MKRN2: variants seen among roughly 807,000 people sequenced by gnomAD.
MKRN2 encodes the protein E3 ubiquitin-protein ligase makorin-2.
MKRN2 carries 32 observed loss-of-function variants against 45.4 expected under a neutral mutation model. The observed-to-expected ratio is 0.70, with a 90% CI of 0.53 to 0.95. The LOEUF (loss-of-function observed/expected upper bound fraction) is 0.95, where lower values mean the gene tolerates loss of function less well. Among genes scored for constraint, MKRN2 ranks in the 40% least tolerant of loss-of-function variants. The pLI is 0.00. For synonymous variants in MKRN2, 206 were observed against 192.4 expected (o/e 1.07, Z -0.59); for missense variants, 526 against 536.7 (o/e 0.98, Z 0.20).
chr3:12,580,453 C>G (rs971012204), intron 6 of MKRN2, among the ~76,000 whole-genome samples: 2 of 150,072 alleles, frequency 1.3e-5, no homozygotes, highest in Admixed American at 6.7e-5. Context: ...ACCCTACCCC[C>G]CCGCCACCAC....
rs766110891 is a variant in MKRN2, at chr3:12,570,212, C to T, written c.297C>T (p.Pro99=). 6 of 1,613,976 alleles carry T rather than the reference C, an allele frequency of 3.7e-6. No individual in the cohort carries two copies. Among genetic ancestry groups the T allele is most frequent in the Non-Finnish European group, 5.1e-6 (6 of 1,180,012 alleles). Residue 99 remains proline (P), a synonymous_variant, in exon 3 of 8, where the codon CCC becomes CCT. Transcript: ENST00000170447. ...ASIVKTNSHE[P]GKREKRTLVL... is the part of the protein sequence containing the mutation. Reference sequence around the variant, plus strand: ...TTGTGAAAACTAACTCACATGAACCCGGAAAGCGTGAAAAGAGAACATTGG... The same window carrying T: ...TTGTGAAAACTAACTCACATGAACCTGGAAAGCGTGAAAAGAGAACATTGG...
intron 1 of MKRN2, among the ~76,000 whole-genome samples, chr3:12,565,770 G>A (rs12019230): frequency 6.6e-6 from 1 of 152,034 alleles, no homozygotes; most frequent in Non-Finnish European, 1.5e-5. Flanking sequence ...AAACTCCTGA[G>A]CTCAAGCAAT....
chr3:12,567,175 G>T (rs1351389786), intron 1 of MKRN2, among the ~76,000 whole-genome samples: 1 of 149,674 alleles, frequency 6.7e-6, no homozygotes, highest in African/African-American at 2.5e-5. Flanking sequence ...AGTTTGTTTT[G>T]GCTGACAGTA....
rs564572418 is a variant in MKRN2, at chr3:12,583,616, A to G, written c.*1363A>G. On this transcript the variant is annotated 3_prime_UTR_variant, in exon 8 of 8. Coordinates refer to ENST00000170447, the MANE Select transcript of MKRN2 (RefSeq NM_014160.5). Reference sequence around the variant, plus strand: ...CAGCCAGCCATTACACCTAAATTTAATTTATTTTATTAAAATAACATAATT... The same window carrying G: ...CAGCCAGCCATTACACCTAAATTTAGTTTATTTTATTAAAATAACATAATT... 4.3e-6 allele frequency: 1 copy of G among 231,914 alleles called. No homozygotes were observed. Among genetic ancestry groups the G allele is most frequent in the Admixed American group, 5.6e-5 (1 of 17,760 alleles). The allele number at this position is 231,914 out of a possible 1,614,324, so 14.4% of individuals were successfully genotyped here. A position where few individuals can be genotyped will look rare whatever the true frequency, so the allele number is the denominator to read the frequency against.
intron 2 of MKRN2, 122 bp downstream of exon 2, chr3:12,569,125 G>T: frequency 1.6e-6 from 2 of 1,229,668 alleles, no homozygotes; most frequent in East Asian, 2.7e-5. Context: ...TGGCAAATAA[G>T]TTTAAAACCT....
At chr3:12,558,144 G>T (rs2057999187) in intron 1 of MKRN2, among the ~76,000 whole-genome samples, 1 of 152,170 alleles carries the variant, frequency 6.6e-6, no homozygotes, top group South Asian at 2.1e-4. Context: ...TATTTTCTAT[G>T]TTGTTACTTC....
At chr3:12,564,951 ACTT>A (rs972711616) in intron 1 of MKRN2, among the ~76,000 whole-genome samples, 5 of 152,210 alleles carry the variant, frequency 3.3e-5, no homozygotes, top group African/African-American at 1.2e-4. Context: ...GTGTGCCAGT[ACTT>A]CTTTCCTTTT....
At chr3:12,574,072 A>T (rs1380677556) in intron 4 of MKRN2, among the ~76,000 whole-genome samples, 1 of 152,074 alleles carries the variant, frequency 6.6e-6, no homozygotes, top group African/African-American at 2.4e-5. Flanking sequence ...GTATTCCTAG[A>T]TAATCAAGAG....
intron 1 of MKRN2, among the ~76,000 whole-genome samples, chr3:12,567,750 C>T (rs1051328723): frequency 6.6e-6 from 1 of 152,058 alleles, no homozygotes; most frequent in Non-Finnish European, 1.5e-5. Flanking sequence ...CTTGGCCTCC[C>T]AAAGTACTAG....
chr3:12,576,307 G>A (rs2058136368), intron 5 of MKRN2, among the ~76,000 whole-genome samples: 2 of 151,634 alleles, frequency 1.3e-5, no homozygotes, highest in Admixed American at 1.3e-4. Context: ...GTGCCACGGT[G>A]GTTTTCTGCA....
intron 4 of MKRN2, among the ~76,000 whole-genome samples, 193 bp downstream of exon 4, chr3:12,572,566 G>A (rs1321342731): frequency 6.6e-6 from 1 of 151,748 alleles, no homozygotes; most frequent in Non-Finnish European, 1.5e-5. Context: ...CCTGTTTTCA[G>A]GTTCTTTTTC....
intron 1 of MKRN2, among the ~76,000 whole-genome samples, chr3:12,563,981 T>C (rs1172412371): frequency 6.6e-6 from 1 of 151,878 alleles, no homozygotes; most frequent in Non-Finnish European, 1.5e-5. Context: ...AGATTCACTC[T>C]GTTGCCCAGG....
chr3:12,564,666 G>A (rs2058059813), intron 1 of MKRN2, among the ~76,000 whole-genome samples: 1 of 152,136 alleles, frequency 6.6e-6, no homozygotes, highest in Non-Finnish European at 1.5e-5. Context: ...GAAGTGTACA[G>A]TGCAAAACTT....
intron 4 of MKRN2, among the ~76,000 whole-genome samples, chr3:12,572,615 T>A (rs1280529656): frequency 1.3e-5 from 2 of 151,346 alleles, no homozygotes; most frequent in African/African-American, 2.4e-5. Flanking sequence ...TAATGGAGTC[T>A]CCCTCTCACC....
In MKRN2 at chr3:12,572,125, A is replaced by C. The variant is rs777324877; in HGVS notation, c.394A>C (p.Ser132Arg). ...TQPSMVSNPGSCSDPQPSPEM... is the reference protein window; with the variant it reads ...TQPSMVSNPGRCSDPQPSPEM... ...GCCGAGCATGGTGAGTAATCCAGGC[A>C]GCTGCAGCGACCCCCAGCCCAGCCC... Residue 132 changes from serine (S) to arginine (R), a missense_variant, in exon 4 of 8, where the codon AGC (serine) becomes CGC (arginine). By Grantham distance (110) the Ser-to-Arg change is moderately radical. Transcript: ENST00000170447. 2 of 1,614,000 alleles carry C rather than the reference A, an allele frequency of 1.2e-6. No individual in the cohort carries two copies. The highest frequency in any genetic ancestry group is 1.7e-6 in the Non-Finnish European group (2 of 1,179,950).
intron 1 of MKRN2, among the ~76,000 whole-genome samples, chr3:12,567,757 C>T (rs2058077864): frequency 6.6e-6 from 1 of 152,054 alleles, no homozygotes; most frequent in African/African-American, 2.4e-5. Context: ...TCCCAAAGTA[C>T]TAGGATTACA....
chr3:12,566,666 G>A (rs1376306895), intron 1 of MKRN2, among the ~76,000 whole-genome samples: 6 of 152,094 alleles, frequency 3.9e-5, no homozygotes, highest in Non-Finnish European at 5.9e-5. Flanking sequence ...GCAATGGCGC[G>A]ATCTTGGCTC....
At position 12,582,524 on chromosome 3, in the gene MKRN2, C is replaced by A; in HGVS notation, c.*271C>A. ...CCTCAGGGGTAACAACTAACAAACA[C>A]CCAAACTGTTTGGATTGATTGCTTT... On this transcript the variant is annotated 3_prime_UTR_variant, in exon 8 of 8. Transcript: ENST00000170447. 5.7e-6 allele frequency: 2 copies of A among 351,370 alleles called. No individual in the cohort carries two copies. The highest frequency in any genetic ancestry group is 1.7e-3 in the Middle Eastern group (2 of 1,192). The allele number at this position is 351,370 out of a possible 1,614,324, so 21.8% of individuals were successfully genotyped here. A position where few individuals can be genotyped will look rare whatever the true frequency, so the allele number is the denominator to read the frequency against.
At chr3:12,567,529 C>T (rs1275317579) in intron 1 of MKRN2, among the ~76,000 whole-genome samples, 1 of 147,160 alleles carries the variant, frequency 6.8e-6, no homozygotes, top group Non-Finnish European at 1.5e-5. Flanking sequence ...GCTCTTGTCA[C>T]CCAGGCTGGA....
Sources: gnomAD v4.1 joint callset for allele counts (sites outside exome capture counted in the v4.1 genomes callset) on GRCh38, gnomAD v4.1.1 for gene constraint, MANE v1.5 for transcripts, NCBI Gene and HGNC (gene_info 2026-07-23, HGNC 2026-07-21) for gene names.